ZNF382: variants seen among roughly 807,000 people sequenced by gnomAD.
ZNF382 encodes zinc finger protein 382.
A neutral mutation model predicts 38.8 loss-of-function variants in ZNF382; 20 were observed. The observed-to-expected ratio is 0.51, with a 90% CI of 0.36 to 0.75. The LOEUF (loss-of-function observed/expected upper bound fraction) is 0.75, where lower values mean the gene tolerates loss of function less well. ZNF382 is among the 30% of genes least tolerant of loss of function. The pLI is 0.00. For missense variants in ZNF382, 546 were observed against 654.1 expected, an observed-to-expected ratio of 0.83 and a Z score of 1.80; for synonymous variants, 202 against 223.1, an observed-to-expected ratio of 0.91 and a Z score of 0.84.
rs763440688 is a variant in ZNF382 at position 36,626,114 on chromosome 19, T to C, written c.233-16T>C. The C allele has an allele frequency of 1.7e-5, 26 of 1,523,286 alleles. No individual in the cohort carries two copies. Among genetic ancestry groups the C allele is most frequent in the Non-Finnish European group, 2.2e-5 (25 of 1,140,074 alleles). 94.4% of individuals were successfully genotyped at this position (1,523,286 alleles called of 1,614,324 possible). A position where few individuals can be genotyped will look rare whatever the true frequency, so the allele number is the denominator to read the frequency against. ...TTTATGTGAAGACTCACAGTGTTAA[T>C]GGTATTCTTTTCTAGAAGAAGATGG... On this transcript the variant is annotated splice_polypyrimidine_tract_variant and intron_variant, in intron 4 of 4. Transcript: ENST00000292928.
At chr19:36,621,591 T>C (rs893198836) in intron 4 of ZNF382, among the ~76,000 whole-genome samples, 56 of 145,292 alleles carry the variant, frequency 3.9e-4, no homozygotes, top group African/African-American at 1.3e-3. Flanking sequence ...TAGAAAAAAA[T>C]ACACACACAC....
At position 36,627,155 on chromosome 19, in the gene ZNF382, A is replaced by C. The variant is rs748257565; in HGVS notation, c.1258A>C (p.Lys420Gln). 4 of 1,614,196 alleles carry C rather than the reference A, an allele frequency of 2.5e-6. No individual in the cohort carries two copies. Among genetic ancestry groups the C allele is most frequent in the Non-Finnish European group, 3.4e-6 (4 of 1,180,028 alleles). ...TGAGTGTGGGAAGGCATTTATCCAG[A>C]AGACAACCCTCACTGTTCATCAGAG... is the stretch of plus-strand genomic sequence containing the variant. ...CNECGKAFIQ[K>Q]TTLTVHQRTH... The change falls in exon 5 of 5, where the codon AAG (lysine) becomes CAG (glutamine). Residue 420 changes from lysine (K) to glutamine (Q), a missense_variant. Coordinates refer to ENST00000292928, the MANE Select transcript of ZNF382 (RefSeq NM_032825.5).
In ZNF382 at chr19:36,626,317, A is replaced by G; in HGVS notation, c.420A>G (p.Gly140=). Residue 140 remains glycine (G), a synonymous_variant, in exon 5 of 5, where the codon GGA becomes GGG. Transcript: ENST00000292928. ...TACTATGTGAATATAAACCTGATGGAAAAGTTTTGAAAAATATTTCAGAAC... is the reference window on the plus strand; with the variant it reads ...TACTATGTGAATATAAACCTGATGGGAAAGTTTTGAAAAATATTTCAGAAC... The part of the protein sequence containing the change: ...KTILCEYKPD[G]KVLKNISELV... 1 of 1,582,908 alleles carries G rather than the reference A, an allele frequency of 6.3e-7. No individual in the cohort carries two copies. The highest frequency in any genetic ancestry group is 8.5e-7 in the Non-Finnish European group (1 of 1,170,704).
At chr19:36,607,427 A>G in intron 1 of ZNF382, 125 bp from the exon 2 acceptor site, 1 of 598,186 alleles carries the variant, frequency 1.7e-6, no homozygotes, top group South Asian at 2.1e-5. Context: ...GGACATCTGA[A>G]GGGTACACAG....
chr19:36,615,905 T>G lies in ZNF382; in HGVS notation c.232+5163T>G, dbSNP rs57422489. ...AAAAATATGTGCTCATAGATGCACC[T>G]CTTTTTATTAAACCAACAATATTAA... On this transcript the variant is annotated intron_variant, in intron 4 of 4. Coordinates refer to ENST00000292928, the MANE Select transcript of ZNF382 (RefSeq NM_032825.5). Among the ~76,000 whole-genome samples the G allele has an allele frequency of 2.3e-3, 349 of 152,358 alleles. 1 individual carries two copies. The highest frequency in any genetic ancestry group is 7.9e-3 in the African/African-American group (329 of 41,588).
rs1222304747 is a variant in ZNF382 at position 36,631,381 on chromosome 19, G to C, written c.*3831G>C. ...CACAGAAAAGGTACAGTAAAAATGT[G>C]GTACTATAATCTTTTTTTTTTTTTG... On this transcript the variant is annotated 3_prime_UTR_variant, in exon 5 of 5. Transcript: ENST00000292928. The C allele has an allele frequency of 6.6e-6, 1 of 151,712 alleles. No homozygotes were observed. Among genetic ancestry groups the C allele is most frequent in the African/African-American group, 2.4e-5 (1 of 41,286 alleles). 9.4% of individuals were successfully genotyped at this position (151,712 alleles called of 1,614,324 possible).
chr19:36,611,588 A>T (rs1409978210), intron 4 of ZNF382, among the ~76,000 whole-genome samples: 2 of 152,056 alleles, frequency 1.3e-5, no homozygotes, highest in African/African-American at 4.8e-5. Flanking sequence ...GGCTATTGTG[A>T]ATATTGCTGC....
intron 4 of ZNF382, among the ~76,000 whole-genome samples, chr19:36,623,803 A>AT (rs2037188122): frequency 6.6e-6 from 1 of 150,894 alleles, no homozygotes; most frequent in African/African-American, 2.4e-5. Flanking sequence ...CAAAAAAAAA[A>AT]AAAGGGGCCG....
intron 4 of ZNF382, among the ~76,000 whole-genome samples, chr19:36,620,552 A>T (rs117923036): frequency 6.6e-6 from 1 of 152,284 alleles, no homozygotes; most frequent in East Asian, 1.9e-4. Flanking sequence ...CAATCATCTG[A>T]TGAATTCTCA....
At chr19:36,621,459 T>C (rs1294013482) in intron 4 of ZNF382, among the ~76,000 whole-genome samples, 3 of 151,994 alleles carry the variant, frequency 2.0e-5, no homozygotes, top group African/African-American at 7.3e-5. Context: ...CCAAATGTAT[T>C]TCTGTCTGTG....
At chr19:36,614,914 C>CTTCCCTTTCCCTTTCCCTTTCCCT (rs1555793085) in intron 4 of ZNF382, among the ~76,000 whole-genome samples, 4 of 90,814 alleles carry the variant, frequency 4.4e-5, no homozygotes, top group African/African-American at 1.9e-4. Context: ...CTTTCCTTTC[C>CTTCCCTTTCCCTTTCCCTTTCCCT]TTCCCTTTCC....
In ZNF382 at chr19:36,627,615, C is replaced by A; in HGVS notation, c.*65C>A. 2 of 1,256,226 alleles carry A rather than the reference C, an allele frequency of 1.6e-6. No individual in the cohort carries two copies. The highest frequency in any genetic ancestry group is 2.3e-6 in the Non-Finnish European group (2 of 884,200). The allele number at this position is 1,256,226 out of a possible 1,614,324, so 77.8% of individuals were successfully genotyped here. On this transcript the variant is annotated 3_prime_UTR_variant, in exon 5 of 5. Transcript: ENST00000292928. ...TAAACCCTGTAGATGATGTTGCTTG[C>A]AAGCGTAATATCCAACAGTTTAAGG...
chr19:36,627,329 A>G lies in ZNF382; in HGVS notation c.1432A>G (p.Ile478Val), dbSNP rs758599737. The G allele has an allele frequency of 3.4e-5, 55 of 1,614,082 alleles. 1 individual carries two copies. Among genetic ancestry groups the G allele is most frequent in the Admixed American group, 2.2e-4 (13 of 59,998 alleles). ...TGGGAAGTCCTTCCGCCAGAAGGCA[A>G]TCCTCACTGTTCATCACAGAATACA... Reference protein sequence around the residue: ...ECGKSFRQKAILTVHHRIHTG... With the variant: ...ECGKSFRQKAVLTVHHRIHTG... Residue 478 changes from isoleucine to valine, a missense_variant, in exon 5 of 5, where the codon ATC (isoleucine) becomes GTC (valine). Ile to Val is a conservative substitution (Grantham distance 29). Transcript: ENST00000292928.
intron 4 of ZNF382, among the ~76,000 whole-genome samples, chr19:36,614,893 C>T (rs1254953157): frequency 1.3e-5 from 1 of 77,110 alleles, no homozygotes; most frequent in African/African-American, 6.7e-5. Flanking sequence ...CCTTTCCTTT[C>T]CTTTCCTTTC....
intron 4 of ZNF382, among the ~76,000 whole-genome samples, chr19:36,620,761 C>CT (rs955117579): frequency 1.4e-3 from 211 of 147,006 alleles, no homozygotes; most frequent in African/African-American, 4.2e-3. Flanking sequence ...TTCCCATAAT[C>CT]TTTTTTTTTT....
chr19:36,606,099 T>C (rs1016637152), intron 1 of ZNF382, among the ~76,000 whole-genome samples: 14 of 152,148 alleles, frequency 9.2e-5, no homozygotes, highest in African/African-American at 3.4e-4. Context: ...CCATGGCTAG[T>C]TGGTTATGTA....
chr19:36,626,019 C>G (rs547653370), intron 4 of ZNF382, 111 bp from the exon 5 acceptor site: 31 of 661,690 alleles, frequency 4.7e-5, no homozygotes, highest in Non-Finnish European at 6.4e-5. Context: ...TTTATTCTGG[C>G]CTTTTTGTAG....
intron 1 of ZNF382, among the ~76,000 whole-genome samples, chr19:36,606,311 A>AT (rs71171460): frequency 0.01 from 1,450 of 138,678 alleles, 13 homozygotes; most frequent in East Asian, 0.028. Context: ...CATGCAGGAA[A>AT]TTTTTTTTTT....
At chr19:36,613,627 A>T (rs1749101929) in intron 4 of ZNF382, among the ~76,000 whole-genome samples, 1 of 151,844 alleles carries the variant, frequency 6.6e-6, no homozygotes, top group Non-Finnish European at 1.5e-5. Context: ...TTTAGTAGAG[A>T]TGGGGTTTAT....
Sources: allele counts gnomAD v4.1 joint callset (sites outside exome capture counted in the v4.1 genomes callset), GRCh38; gene constraint gnomAD v4.1.1; transcripts MANE v1.5; gene names NCBI Gene and HGNC (gene_info 2026-07-23, HGNC 2026-07-21).